CDH12: variants seen among roughly 807,000 people sequenced by gnomAD.
CDH12 encodes cadherin-12.
A neutral mutation model predicts 74.1 loss-of-function variants in CDH12; 41 were observed. The ratio of observed to expected loss-of-function variants is 0.55; its 90% CI spans 0.43 to 0.72. The LOEUF (loss-of-function observed/expected upper bound fraction) is 0.72. Ranked by LOEUF, CDH12 falls within the 30% of genes least tolerant of loss-of-function variation. The pLI is 0.00. For synonymous variants in CDH12, 399 were observed against 355.0 expected (o/e 1.12, Z -1.39); for missense variants, 945 against 977.2 (o/e 0.97, Z 0.44).
intron 4 of CDH12, among the ~76,000 whole-genome samples, chr5:22,080,096 G>C (rs925542784): frequency 6.6e-6 from 1 of 152,070 alleles, no homozygotes; most frequent in Non-Finnish European, 1.5e-5. Flanking sequence ...GAGCCTATAA[G>C]GTTTCTAAAG....
At chr5:22,394,723 C>T (rs1561370536) in intron 3 of CDH12, among the ~76,000 whole-genome samples, 2 of 152,062 alleles carry the variant, frequency 1.3e-5, no homozygotes. Context: ...GCCAAGCCCA[C>T]CATTATATTT....
chr5:22,668,603 G>A (rs1740741264), intron 1 of CDH12, among the ~76,000 whole-genome samples: 1 of 152,118 alleles, frequency 6.6e-6, no homozygotes, highest in Admixed American at 6.6e-5. Context: ...TGCTAGTTTG[G>A]ATCTCTCTTC....
intron 6 of CDH12, among the ~76,000 whole-genome samples, chr5:21,923,135 C>T (rs985530632): frequency 6.6e-6 from 1 of 152,044 alleles, no homozygotes; most frequent in Non-Finnish European, 1.5e-5. Flanking sequence ...GTTTTAACTT[C>T]CTATCTATAC....
intron 1 of CDH12, among the ~76,000 whole-genome samples, chr5:22,790,049 A>G (rs995642793): frequency 2.0e-5 from 3 of 152,092 alleles, no homozygotes; most frequent in Admixed American, 1.3e-4. Flanking sequence ...GGTAACATAC[A>G]GAATCAGCCT....
intron 4 of CDH12, among the ~76,000 whole-genome samples, chr5:22,106,435 C>G (rs567336233): frequency 6.6e-6 from 1 of 152,198 alleles, no homozygotes; most frequent in South Asian, 2.1e-4. Flanking sequence ...AGTAGATGTG[C>G]TAATTGTCCT....
chr5:22,414,907 T>C (rs992878905), intron 2 of CDH12, among the ~76,000 whole-genome samples: 2 of 152,096 alleles, frequency 1.3e-5, no homozygotes, highest in Non-Finnish European at 2.9e-5. Flanking sequence ...AATAACATTA[T>C]GTAGGGTTAC....
At chr5:22,605,723 G>A (rs938292106) in intron 1 of CDH12, among the ~76,000 whole-genome samples, 34 of 152,204 alleles carry the variant, frequency 2.2e-4, no homozygotes, top group African/African-American at 7.7e-4. Context: ...TCAGGCCATC[G>A]CTCCACCAGC....
At chr5:22,849,338 C>A (rs996550795) in intron 1 of CDH12, among the ~76,000 whole-genome samples, 3 of 152,100 alleles carry the variant, frequency 2.0e-5, no homozygotes, top group African/African-American at 7.2e-5. Context: ...GTAGACGGTG[C>A]ATCAGGACTC....
chr5:22,372,336 T>C (rs1303426652), intron 3 of CDH12, among the ~76,000 whole-genome samples: 2 of 152,246 alleles, frequency 1.3e-5, no homozygotes, highest in Non-Finnish European at 1.5e-5. Flanking sequence ...GGCAGCCTGC[T>C]TGGCAGCTGG....
At chr5:21,757,644 CAT>C (rs2149866486) in intron 13 of CDH12, among the ~76,000 whole-genome samples, 2 of 152,252 alleles carry the variant, frequency 1.3e-5, no homozygotes, top group South Asian at 4.1e-4. Flanking sequence ...GTGACAAGTA[CAT>C]GTCTAGTCCA....
intron 6 of CDH12, among the ~76,000 whole-genome samples, chr5:21,856,117 C>A (rs989905339): frequency 3.2e-4 from 48 of 151,628 alleles, no homozygotes; most frequent in African/African-American, 1.1e-3. Flanking sequence ...CTAATATTAT[C>A]CATCATCATC....
chr5:21,881,693 T>A (rs1752363783), intron 6 of CDH12, among the ~76,000 whole-genome samples: 1 of 152,210 alleles, frequency 6.6e-6, no homozygotes, highest in African/African-American at 2.4e-5. Flanking sequence ...TCGTATCATT[T>A]TTATATATTA....
At chr5:22,469,643 T>A (rs1253646311) in intron 2 of CDH12, among the ~76,000 whole-genome samples, 3 of 152,184 alleles carry the variant, frequency 2.0e-5, no homozygotes, top group South Asian at 2.1e-4. Context: ...TGAGGGAAGG[T>A]TTACTTCAAC....
chr5:22,809,968 T>C (rs1040157862), intron 1 of CDH12, among the ~76,000 whole-genome samples: 5 of 152,152 alleles, frequency 3.3e-5, no homozygotes, highest in Non-Finnish European at 4.4e-5. Flanking sequence ...TACACCATTG[T>C]ATTTTAGTAT....
chr5:22,107,608 T>C (rs1744552503), intron 4 of CDH12, among the ~76,000 whole-genome samples: 1 of 151,950 alleles, frequency 6.6e-6, no homozygotes, highest in Non-Finnish European at 1.5e-5. Context: ...GAAGATTAAT[T>C]ACTTTGGTAA....
At chr5:22,844,907 C>A (rs1737231496) in intron 1 of CDH12, among the ~76,000 whole-genome samples, 1 of 152,068 alleles carries the variant, frequency 6.6e-6, no homozygotes, top group African/African-American at 2.4e-5. Context: ...GAGCTCCAGA[C>A]AGTGCATAGA....
rs201811162 is a variant in CDH12, at chr5:21,755,832, C to T, written c.1644G>A (p.Ala548=). The T allele has an allele frequency of 7.1e-5, 115 of 1,613,990 alleles. No individual in the cohort carries two copies. In the Admixed American group the frequency reaches 7.5e-4, roughly 11 times the overall value. ...FTVRDFRNNT[A]GIETRRNGYS... is the part of the protein sequence containing the mutation. The stretch of plus-strand genomic sequence containing the variant: ...ATCCATTTCTTCGGGTTTCAATCCC[C>T]GCTGTGTTGTCTACAAAACATGACA... The change falls in exon 14 of 15, where the codon GCG becomes GCA. Residue 548 remains alanine, a synonymous_variant. Transcript: ENST00000382254.
chr5:22,583,404 C>T (rs1740203870), intron 1 of CDH12, among the ~76,000 whole-genome samples: 1 of 152,090 alleles, frequency 6.6e-6, no homozygotes, highest in South Asian at 2.1e-4. Context: ...TTTTAAAATT[C>T]ACTTATTTAC....
intron 1 of CDH12, among the ~76,000 whole-genome samples, chr5:22,623,846 C>A (rs1446230069): frequency 1.3e-5 from 2 of 152,088 alleles, no homozygotes; most frequent in Non-Finnish European, 2.9e-5. Flanking sequence ...AAAAAGAGCC[C>A]GCATTGCCAA....
Sources: allele counts gnomAD v4.1 joint callset (sites outside exome capture counted in the v4.1 genomes callset), GRCh38; gene constraint gnomAD v4.1.1; transcripts MANE v1.5; gene names NCBI Gene and HGNC (gene_info 2026-07-23, HGNC 2026-07-21).